The following AKNA variants were observed in gnomAD, a reference collection of about 807,000 sequenced individuals.
AKNA encodes the protein AT-hook transcription factor.
A neutral mutation model predicts 138.8 loss-of-function variants in AKNA; 67 were observed. That is an observed-to-expected ratio of 0.48 (90% CI 0.40 to 0.59). The LOEUF (loss-of-function observed/expected upper bound fraction) is 0.59, where lower values mean the gene tolerates loss of function less well. AKNA is among the 20% of genes least tolerant of loss of function. The pLI, the probability that AKNA is intolerant of heterozygous loss-of-function variation, is 0.00. For synonymous variants in AKNA, 737 were observed against 754.4 expected (o/e 0.98, Z 0.38); for missense variants, 1,813 against 1,880.4 (o/e 0.96, Z 0.66).
chr9:114,379,946 T>A (rs1427917221), intron 2 of AKNA, among the ~76,000 whole-genome samples: 6 of 151,906 alleles, frequency 3.9e-5, no homozygotes, highest in Non-Finnish European at 7.4e-5. Context: ...AGGCCAGGAG[T>A]TTGAGACCAG....
At chr9:114,355,875 T>C (rs1356278653) in intron 14 of AKNA, 50 bp downstream of exon 14, 2 of 1,565,796 alleles carry the variant, frequency 1.3e-6, no homozygotes, top group African/African-American at 1.4e-5. Context: ...GTTTTTCTAT[T>C]TGATTTTTCA....
At chr9:114,388,029 C>T (rs1315182111), upstream of AKNA, 2 of 282,890 alleles carry the variant, frequency 7.1e-6, no homozygotes, top group Admixed American at 7.3e-5. Context: ...CCCCACCTCT[C>T]CCCGCCCCTG....
intron 8 of AKNA, 96 bp from the exon 9 acceptor site, chr9:114,362,007 C>T: frequency 7.8e-7 from 1 of 1,285,556 alleles, no homozygotes; most frequent in Non-Finnish European, 1.1e-6. Flanking sequence ...CCAGGGGATG[C>T]CCCCTTAGGG....
At chr9:114,348,872 T>G (rs772019129) in intron 15 of AKNA, 2 of 456,320 alleles carry the variant, frequency 4.4e-6, no homozygotes, top group South Asian at 1.5e-5. Flanking sequence ...GAATTCCCAC[T>G]GGGGCCGTTC....
At chr9:114,345,840 C>T (rs1390605263) in intron 18 of AKNA, 23 bp downstream of exon 18, 1 of 1,611,900 alleles carries the variant, frequency 6.2e-7, no homozygotes, top group Non-Finnish European at 8.5e-7. Flanking sequence ...CTGCACCCAT[C>T]CCGGCCCTCC....
intron 19 of AKNA, among the ~76,000 whole-genome samples, chr9:114,343,393 G>GA (rs1043593894): frequency 6.6e-6 from 1 of 152,166 alleles, no homozygotes; most frequent in African/African-American, 2.4e-5. Flanking sequence ...GGACTTGGGG[G>GA]AAAGTATGAG....
chr9:114,348,052 C>T lies in AKNA; in HGVS notation c.3222-152G>A, dbSNP rs1201833332. The T allele has an allele frequency of 1.3e-5, 11 of 823,836 alleles. 1 individual carries two copies. Among genetic ancestry groups the T allele is most frequent in the South Asian group, 5.8e-5 (3 of 51,928 alleles). 51.0% of individuals were successfully genotyped at this position (823,836 alleles called of 1,614,324 possible). On this transcript the variant is annotated intron_variant, in intron 15 of 21. Transcript: ENST00000374088. ...CAAACGATTCTAGAACTTTCCTGTG[C>T]GACACTTTTCTTGCTACACAACTTG...
chr9:114,384,584 G>T (rs1254131454), intron 1 of AKNA, among the ~76,000 whole-genome samples: 1 of 152,148 alleles, frequency 6.6e-6, no homozygotes, highest in Non-Finnish European at 1.5e-5. Flanking sequence ...AGGCCTTTAT[G>T]ATGATCCACT....
chr9:114,377,169 T>C lies in AKNA; in HGVS notation c.638A>G (p.Asp213Gly). 1 of 1,614,168 alleles carries C rather than the reference T, an allele frequency of 6.2e-7. No individual in the cohort carries two copies. Among genetic ancestry groups the C allele is most frequent in the South Asian group, 1.1e-5 (1 of 91,088 alleles). The change falls in exon 3 of 22, where the codon GAC (aspartate) becomes GGC (glycine). Residue 213 changes from aspartate (D) to glycine (G), a missense_variant. Asp to Gly is a moderately conservative substitution (Grantham distance 94). Transcript: ENST00000374088. ...SGTVSLDHPS[D>G]SLDSTWEGET... ...TCCTTCCCAGGTAGAATCAAGGCTG[T>C]CACTAGGGTGGTCGAGGCTCACTGT...
At position 114,337,012 on chromosome 9, in the gene AKNA, T is replaced by TGGGGGGGC; in HGVS notation, c.*41_*42insGCCCCCCC. 1.7e-6 allele frequency: 2 copies of TGGGGGGGC among 1,208,224 alleles called. No individual in the cohort carries two copies. Among genetic ancestry groups the TGGGGGGGC allele is most frequent in the Non-Finnish European group, 2.2e-6 (2 of 929,350 alleles). 74.8% of individuals were successfully genotyped at this position (1,208,224 alleles called of 1,614,324 possible). A position where few individuals can be genotyped will look rare whatever the true frequency, so the allele number is the denominator to read the frequency against. Reference sequence around the variant, plus strand: ...CCCACTCCTGGCCTGGCAGGCCACCTGCCCACCCACCCACCCATCTGCCTC... The same window carrying TGGGGGGGC: ...CCCACTCCTGGCCTGGCAGGCCACCTGGGGGGGCGCCCACCCACCCACCCATCTGCCTC... On this transcript the variant is annotated 3_prime_UTR_variant, in exon 22 of 22. Transcript: ENST00000374088.
intron 15 of AKNA, chr9:114,348,870 A>G (rs934189895): frequency 2.2e-6 from 1 of 456,254 alleles, no homozygotes; most frequent in Non-Finnish European, 4.4e-6. Context: ...GGGAATTCCC[A>G]CTGGGGCCGT....
At chr9:114,353,637 GT>G (rs1305443286) in intron 14 of AKNA, among the ~76,000 whole-genome samples, 2 of 152,106 alleles carry the variant, frequency 1.3e-5, no homozygotes, top group Non-Finnish European at 2.9e-5. Flanking sequence ...TTGTTATTCT[GT>G]TTCACCATGT....
At chr9:114,388,774 C>A (rs1455341427), upstream of AKNA, among the ~76,000 whole-genome samples, 1 of 152,168 alleles carries the variant, frequency 6.6e-6, no homozygotes, top group Non-Finnish European at 1.5e-5. Context: ...ATGGCAGGGC[C>A]GAAGACAGGC....
In AKNA at chr9:114,376,563, G is replaced by A; in HGVS notation, c.1244C>T (p.Ala415Val). 1 of 1,614,132 alleles carries A rather than the reference G, an allele frequency of 6.2e-7. No homozygotes were observed. ...GGCAGGAGGCGTGTCCTTTGCCAGG[G>A]CTGCTTCTCCACTGCTCAACAGCAC... ...QEVLLSSGEA[A>V]LAKDTPPAHP... Residue 415 changes from alanine (A) to valine (V), a missense_variant, in exon 3 of 22, where the codon GCC becomes GTC. Ala to Val is a moderately conservative substitution (Grantham distance 64). Coordinates refer to ENST00000374088, the MANE Select transcript of AKNA (RefSeq NM_001317950.2).
intron 1 of AKNA, among the ~76,000 whole-genome samples, 157 bp downstream of exon 1, chr9:114,387,703 C>T (rs1048123838): frequency 3.3e-5 from 5 of 152,164 alleles, no homozygotes; most frequent in African/African-American, 7.2e-5. Context: ...CCCTGGAGGC[C>T]GGGATCCCCT....
In AKNA at chr9:114,360,156, C is replaced by A. The variant is rs1057212889; in HGVS notation, c.2125-94G>T. 2.8e-5 allele frequency: 43 copies of A among 1,517,544 alleles called. No individual in the cohort carries two copies. The East Asian group carries it at 9.6e-4, about 34-fold the overall frequency. 94.0% of individuals were successfully genotyped at this position (1,517,544 alleles called of 1,614,324 possible). On this transcript the variant is annotated intron_variant, in intron 9 of 21. Transcript: ENST00000374088. ...CCTGCCAGGCTCGAGCTGTGGGCTG[C>A]GGGGTAAGAAGCACATTAGACTCAC...
chr9:114,354,509 C>G (rs375495167), intron 14 of AKNA, among the ~76,000 whole-genome samples: 94 of 152,136 alleles, frequency 6.2e-4, no homozygotes, highest in African/African-American at 2.0e-3. Context: ...GTCAGGAGAT[C>G]GAGACCATCT....
downstream of AKNA, among the ~76,000 whole-genome samples, chr9:114,333,858 C>T (rs577840411): frequency 7.3e-5 from 11 of 151,122 alleles, no homozygotes; most frequent in East Asian, 1.9e-4. Flanking sequence ...TGTCCCCACC[C>T]GAATCTCACA....
intron 1 of AKNA, among the ~76,000 whole-genome samples, chr9:114,382,101 T>A (rs185227564): frequency 1.1e-3 from 162 of 152,310 alleles, no homozygotes; most frequent in Admixed American, 2.4e-3. Context: ...ATGGGAGAAC[T>A]GATGGCCCAG....
Sources: gnomAD v4.1 joint callset for allele counts (sites outside exome capture counted in the v4.1 genomes callset) on GRCh38, gnomAD v4.1.1 for gene constraint, MANE v1.5 for transcripts, NCBI Gene and HGNC (gene_info 2026-07-23, HGNC 2026-07-21) for gene names.